PAPLN: variants seen among roughly 807,000 people sequenced by gnomAD.
The protein encoded by PAPLN is papilin.
A neutral mutation model predicts 159.0 loss-of-function variants in PAPLN; 146 were observed. That is an observed-to-expected ratio of 0.92 (90% CI 0.80 to 1.05). The LOEUF (loss-of-function observed/expected upper bound fraction) is 1.05, where lower values mean the gene tolerates loss of function less well. Ranked by LOEUF, PAPLN falls within the 50% of genes least tolerant of loss-of-function variation. The pLI is 0.00. For missense variants in PAPLN, 1,720 were observed against 1,743.9 expected, an observed-to-expected ratio of 0.99 and a Z score of 0.24; for synonymous variants, 734 against 702.9, an observed-to-expected ratio of 1.04 and a Z score of -0.70.
At chr14:73,244,026 G>A (rs177406) in intron 2 of PAPLN, 102,460 of 153,740 alleles carry the variant, frequency 0.67, 35,188 homozygotes, top group East Asian at 0.86. Context: ...GCTCTCTCTT[G>A]AGGAGATTAT....
At chr14:73,249,891 C>T in intron 5 of PAPLN, 93 bp from the exon 6 acceptor site, 2 of 1,406,908 alleles carry the variant, frequency 1.4e-6, no homozygotes, top group Non-Finnish European at 1.9e-6. Context: ...GGCTTTCTGA[C>T]CCATGCTTTC....
intron 3 of PAPLN, chr14:73,245,000 A>G (rs1884040235): frequency 4.8e-6 from 2 of 414,218 alleles, no homozygotes; most frequent in Admixed American, 8.2e-5. Context: ...CCAGCTCCTG[A>G]TGCTGCACCG....
chr14:73,270,488 G>T (rs2140315975), intron 26 of PAPLN, among the ~76,000 whole-genome samples: 1 of 152,328 alleles, frequency 6.6e-6, no homozygotes, highest in Middle Eastern at 3.4e-3. Flanking sequence ...GATACATGGT[G>T]ACTAAGTGCC....
At chr14:73,251,877 G>A (rs371771848) in intron 9 of PAPLN, 41 bp downstream of exon 9, 48 of 1,558,846 alleles carry the variant, frequency 3.1e-5, no homozygotes, top group Admixed American at 1.0e-4. Flanking sequence ...TGGGCAGCTC[G>A]TGGTCCCCAA....
At chr14:73,259,162 G>T in intron 15 of PAPLN, 103 bp downstream of exon 15, 3 of 1,526,502 alleles carry the variant, frequency 2.0e-6, no homozygotes, top group Non-Finnish European at 2.7e-6. Flanking sequence ...AGCCATGGTG[G>T]AAGGGAGAAT....
chr14:73,266,897 C>A, intron 25 of PAPLN, 66 bp downstream of exon 25: 1 of 1,452,210 alleles, frequency 6.9e-7, no homozygotes, highest in East Asian at 2.5e-5. Context: ...GGGTGTCCAC[C>A]TTTCTGCCAG....
chr14:73,262,537 C>T lies in PAPLN; in HGVS notation c.2433C>T (p.Pro811=). 1 of 1,570,856 alleles carries T rather than the reference C, an allele frequency of 6.4e-7. No homozygotes were observed. Among genetic ancestry groups the T allele is most frequent in the South Asian group, 1.2e-5 (1 of 86,478 alleles). The change falls in exon 19 of 27, where the codon CCC becomes CCT. Residue 811 remains proline, a synonymous_variant. Transcript: ENST00000644200. ...GCTGCCAGGGATCTCTCCATGGGCC[C>T]CGTCGTCCCCAGCCTGGGGCTTCTG... ...MSSCQGSLHG[P]RRPQPGASGR...
At chr14:73,262,151 C>T (rs1376300434) in intron 18 of PAPLN, 199 bp from the exon 19 acceptor site, 23 of 561,850 alleles carry the variant, frequency 4.1e-5, no homozygotes, top group Middle Eastern at 4.7e-4. Context: ...TGGCACCAGC[C>T]GGGGGCAGGT....
chr14:73,260,897 C>T (rs950291721), intron 17 of PAPLN, 68 bp downstream of exon 17: 2 of 1,494,148 alleles, frequency 1.3e-6, no homozygotes, highest in East Asian at 2.3e-5. Flanking sequence ...TCACTGTGAC[C>T]CAGGATCTTT....
chr14:73,267,890 A>G lies in PAPLN; in HGVS notation c.3501-667A>G, dbSNP rs187998142. Among the ~76,000 whole-genome samples, 23 of 152,258 alleles carry G rather than the reference A, an allele frequency of 1.5e-4. No homozygotes were observed. In the East Asian group the frequency reaches 4.4e-3, roughly 29 times the overall value. Reference sequence around the variant, plus strand: ...ATGTCCCTGCAGACCCTATGCTGACATAGTGTCCCCTTTACAGCTGTCCAT... The same window carrying G: ...ATGTCCCTGCAGACCCTATGCTGACGTAGTGTCCCCTTTACAGCTGTCCAT... On this transcript the variant is annotated intron_variant, in intron 25 of 26. Coordinates refer to ENST00000644200, the MANE Select transcript of PAPLN (RefSeq NM_001365906.3).
chr14:73,263,320 C>T lies in PAPLN; in HGVS notation c.2724-325C>T, dbSNP rs531315670. 2.1e-3 allele frequency: 980 copies of T among 469,648 alleles called. 1 individual carries two copies. Among genetic ancestry groups the T allele is most frequent in the Non-Finnish European group, 3.2e-3 (832 of 260,952 alleles). 29.1% of individuals were successfully genotyped at this position (469,648 alleles called of 1,614,324 possible). ...TAAAAGCGTTGTGTTCCACATGGGT[C>T]GAGCGTGTAGTTTAGCCCCCACATG... On this transcript the variant is annotated intron_variant, in intron 19 of 26. Transcript: ENST00000644200.
rs771032543 is a variant in PAPLN at position 73,254,561 on chromosome 14, C to T, written c.1351C>T (p.Arg451Trp). 2.5e-5 allele frequency: 40 copies of T among 1,613,890 alleles called. No individual in the cohort carries two copies. In the East Asian group the frequency reaches 3.6e-4, roughly 14 times the overall value. Reference protein sequence around the residue: ...VGVRKRSVTCRGERGSLLHTA... With the variant: ...VGVRKRSVTCWGERGSLLHTA... ...CGTCCGGAAGCGGAGCGTTACTTGCCGGGGTGAAAGGGGTTCTTTGCTCCA... is the reference window on the plus strand; with the variant it reads ...CGTCCGGAAGCGGAGCGTTACTTGCTGGGGTGAAAGGGGTTCTTTGCTCCA... The change falls in exon 13 of 27, where the codon CGG becomes TGG. Residue 451 changes from arginine to tryptophan, a missense_variant. Physicochemically the swap from Arg to Trp is moderately radical, Grantham distance 101 (BLOSUM62 -3). Transcript: ENST00000644200.
rs1280604128 is a variant in PAPLN, at chr14:73,264,745, C to T, written c.3125+19C>T. 1.2e-5 allele frequency: 19 copies of T among 1,611,682 alleles called. No homozygotes were observed. The African/African-American group carries it at 2.5e-4, about 22-fold the overall frequency. On this transcript the variant is annotated intron_variant, in intron 22 of 26. Transcript: ENST00000644200. ...CAAACAGGTAAGAACTCAGCAATGC[C>T]ATCTTGCCCTCCCCCACGCCAGGGC...
In PAPLN at chr14:73,252,046, T is replaced by C. The variant is rs763138025; in HGVS notation, c.872T>C (p.Val291Ala). ...ATCAGCCAGGAGCCCAACCCCGGTG[T>C]GCACTATGAGTACCACCTGCCCCTG... ...ELISQEPNPG[V>A]HYEYHLPLRR... Residue 291 changes from valine (V) to alanine (A), a missense_variant, in exon 10 of 27, where the codon GTG becomes GCG. Val to Ala is a moderately conservative substitution (Grantham distance 64, BLOSUM62 0). Coordinates refer to ENST00000644200, the MANE Select transcript of PAPLN (RefSeq NM_001365906.3). The C allele has an allele frequency of 2.5e-6, 4 of 1,612,364 alleles. No individual in the cohort carries two copies. The East Asian group carries it at 8.9e-5, about 36-fold the overall frequency.
At chr14:73,246,045 G>T in intron 4 of PAPLN, 28 bp from the exon 5 acceptor site, 3 of 1,516,820 alleles carry the variant, frequency 2.0e-6, no homozygotes, top group Non-Finnish European at 2.6e-6. Context: ...CCGCCCTCCT[G>T]GATCCCGACT....
Position 73,239,657 on chromosome 14 carries a change from T to C in PAPLN, c.-6-116T>C, listed in dbSNP as rs147377303. 3 of 1,466,274 alleles carry C rather than the reference T, an allele frequency of 2.0e-6. No individual in the cohort carries two copies. The South Asian group carries it at 4.0e-5, about 19-fold the overall frequency. 90.8% of individuals were successfully genotyped at this position (1,466,274 alleles called of 1,614,324 possible). A position where few individuals can be genotyped will look rare whatever the true frequency, so the allele number is the denominator to read the frequency against. On this transcript the variant is annotated intron_variant, in intron 1 of 26. Coordinates refer to ENST00000644200, the MANE Select transcript of PAPLN (RefSeq NM_001365906.3). ...ACCGAGGCGCACCCGGCTGTCCTGT[T>C]GCGGGTCTCCTGGTCACCTGTGGGC...
rs1884105944 is a variant in PAPLN at position 73,245,392 on chromosome 14, G to A, written c.171-244G>A. 2 of 546,330 alleles carry A rather than the reference G, an allele frequency of 3.7e-6. No individual in the cohort carries two copies. Among genetic ancestry groups the A allele is most frequent in the East Asian group, 6.2e-5 (2 of 32,204 alleles). The allele number at this position is 546,330 out of a possible 1,614,324, so 33.8% of individuals were successfully genotyped here. ...TCTGGGAATCTGCCTAAGATGCAGTGGAGTGGTCCCGCCTTAAATCCAAAC... is the reference window on the plus strand; with the variant it reads ...TCTGGGAATCTGCCTAAGATGCAGTAGAGTGGTCCCGCCTTAAATCCAAAC... On this transcript the variant is annotated intron_variant, in intron 3 of 26. Coordinates refer to ENST00000644200, the MANE Select transcript of PAPLN (RefSeq NM_001365906.3). This position sits in a 1 kb window ranked among gnomAD's most constrained non-coding sequence, Gnocchi z 4.2.
Position 73,266,538 on chromosome 14 carries a change from C to T in PAPLN, c.3301C>T (p.Arg1101Ter), listed in dbSNP as rs750490599. 23 of 1,614,014 alleles carry T rather than the reference C, an allele frequency of 1.4e-5. No homozygotes were observed. The East Asian group carries it at 2.2e-4, about 16-fold the overall frequency. ...GCCTGATGGCTCCCTGGTCATTAGC[C>T]GAGTGGCTGTAGAAGATGGCGGCTT... is the stretch of plus-strand genomic sequence containing the variant. ...LQPDGSLVIS[R>*]VAVEDGGFYT... Residue 1101 changes from arginine to a stop codon, truncating the protein, a stop_gained, in exon 24 of 27, where the codon CGA becomes TGA. Coordinates refer to ENST00000644200, the MANE Select transcript of PAPLN (RefSeq NM_001365906.3). LOFTEE classifies it high-confidence loss of function.
intron 15 of PAPLN, 31 bp downstream of exon 15, chr14:73,259,090 G>A (rs972785783): frequency 3.2e-6 from 5 of 1,586,866 alleles, no homozygotes; most frequent in African/African-American, 1.4e-5. Context: ...CCCACTCAGA[G>A]CCCTGTAGTT....
Sources: gnomAD v4.1 joint callset for allele counts (sites outside exome capture counted in the v4.1 genomes callset) on GRCh38, gnomAD v4.1.1 for gene constraint, Gnocchi (gnomAD v3.1) non-coding constraint, MANE v1.5 for transcripts, NCBI Gene and HGNC (gene_info 2026-07-23, HGNC 2026-07-21) for gene names.